The following RAP1A variants were observed in gnomAD, a reference collection of about 807,000 sequenced individuals.
RAP1A encodes the protein ras-related protein Rap-1A.
In RAP1A, 6 loss-of-function variants were observed where a neutral mutation model predicts 26.4. The observed-to-expected ratio is 0.23, with a 90% confidence interval of 0.12 to 0.45. The LOEUF (loss-of-function observed/expected upper bound fraction) is 0.45, where lower values mean the gene tolerates loss of function less well. Among genes scored for constraint, RAP1A ranks in the 20% least tolerant of loss-of-function variants. The pLI is 0.99. For missense variants in RAP1A, 121 were observed against 217.2 expected, an observed-to-expected ratio of 0.56 and a Z score of 2.78; for synonymous variants, 73 against 79.4, an observed-to-expected ratio of 0.92 and a Z score of 0.43.
intron 1 of RAP1A, among the ~76,000 whole-genome samples, chr1:111,554,596 C>A (rs879563878): frequency 6.6e-6 from 1 of 152,144 alleles, no homozygotes; most frequent in African/African-American, 2.4e-5. Flanking sequence ...GGATCATATG[C>A]TCAGTGAATA....
In RAP1A at chr1:111,713,856, C is replaced by G. The variant is rs893917274; in HGVS notation, c.*1455C>G. On this transcript the variant is annotated 3_prime_UTR_variant, in exon 8 of 8. Coordinates refer to ENST00000369709, the MANE Select transcript of RAP1A (RefSeq NM_002884.4). ...AAAAAGCTTGTTAGCCAATTAAGTTCTGGAAAAGGAAAGAAACAAGCTTAG... is the reference window on the plus strand; with the variant it reads ...AAAAAGCTTGTTAGCCAATTAAGTTGTGGAAAAGGAAAGAAACAAGCTTAG... 1 of 152,096 alleles carries G rather than the reference C, an allele frequency of 6.6e-6. No individual in the cohort carries two copies. The highest frequency in any genetic ancestry group is 1.5e-5 in the Non-Finnish European group (1 of 68,026). 9.4% of individuals were successfully genotyped at this position (152,096 alleles called of 1,614,324 possible). A position where few individuals can be genotyped will look rare whatever the true frequency, so the allele number is the denominator to read the frequency against.
At chr1:111,657,533 A>G (rs930210405) in intron 1 of RAP1A, among the ~76,000 whole-genome samples, 1 of 152,150 alleles carries the variant, frequency 6.6e-6, no homozygotes, top group African/African-American at 2.4e-5. Context: ...ATCATTGCCA[A>G]ATCCATTGTC....
intron 1 of RAP1A, among the ~76,000 whole-genome samples, chr1:111,550,434 A>G (rs967552229): frequency 2.0e-5 from 3 of 150,734 alleles, no homozygotes; most frequent in African/African-American, 7.3e-5. Context: ...TTGATTTGAG[A>G]TCTTTCTTCT....
chr1:111,693,210 G>T (rs1360879680), intron 2 of RAP1A, among the ~76,000 whole-genome samples: 7 of 152,162 alleles, frequency 4.6e-5, no homozygotes, highest in Non-Finnish European at 1.0e-4. Flanking sequence ...GATAAAGGAA[G>T]CAGCTTTAGT....
At chr1:111,647,448 C>T (rs1660106132) in intron 1 of RAP1A, among the ~76,000 whole-genome samples, 1 of 152,088 alleles carries the variant, frequency 6.6e-6, no homozygotes, top group Admixed American at 6.5e-5. Context: ...ATCCTGAATC[C>T]ATCTCCCACG....
At chr1:111,698,321 C>T (rs1417397847) in intron 4 of RAP1A, among the ~76,000 whole-genome samples, 3 of 152,136 alleles carry the variant, frequency 2.0e-5, no homozygotes, top group African/African-American at 7.2e-5. Context: ...GTCACCTAGG[C>T]TAGGGTGTAG....
At chr1:111,570,735 G>C (rs1234887174) in intron 1 of RAP1A, among the ~76,000 whole-genome samples, 1 of 152,152 alleles carries the variant, frequency 6.6e-6, no homozygotes, top group East Asian at 1.9e-4. Flanking sequence ...TATGAAGAGA[G>C]AATAGCCTGA....
chr1:111,557,274 C>T (rs1200000415), intron 1 of RAP1A, among the ~76,000 whole-genome samples: 1 of 152,086 alleles, frequency 6.6e-6, no homozygotes, highest in African/African-American at 2.4e-5. Context: ...GAAGGCCAGG[C>T]GTGGTGGCTC....
intron 1 of RAP1A, among the ~76,000 whole-genome samples, chr1:111,634,672 G>A (rs1193931073): frequency 6.6e-6 from 1 of 151,638 alleles, no homozygotes; most frequent in Non-Finnish European, 1.5e-5. Context: ...TCGAGATGGA[G>A]TCTCACTCTG....
intron 1 of RAP1A, among the ~76,000 whole-genome samples, chr1:111,689,050 G>A (rs752434491): frequency 1.3e-4 from 19 of 151,876 alleles, no homozygotes; most frequent in Non-Finnish European, 2.4e-4. Context: ...TATCCAGGCT[G>A]GTCTCTAATT....
intron 1 of RAP1A, chr1:111,648,318 C>T: frequency 1.1e-6 from 1 of 932,464 alleles, no homozygotes; most frequent in Non-Finnish European, 1.6e-6. Flanking sequence ...TCATTGGTCT[C>T]AGATACCACT....
chr1:111,671,638 C>T (rs1425310760), intron 1 of RAP1A, among the ~76,000 whole-genome samples: 1 of 152,124 alleles, frequency 6.6e-6, no homozygotes, highest in Non-Finnish European at 1.5e-5. Context: ...CCACACGTGG[C>T]TAATTTCTGT....
intron 1 of RAP1A, among the ~76,000 whole-genome samples, chr1:111,549,635 G>A (rs936053346): frequency 2.0e-5 from 3 of 147,244 alleles, no homozygotes; most frequent in Non-Finnish European, 3.0e-5. Flanking sequence ...GGGCAACAGA[G>A]TGAGACTCTG....
At chr1:111,557,284 C>T (rs767276291) in intron 1 of RAP1A, among the ~76,000 whole-genome samples, 18 of 152,120 alleles carry the variant, frequency 1.2e-4, no homozygotes, top group Non-Finnish European at 2.5e-4. Context: ...CGTGGTGGCT[C>T]ACGCCTGTAA....
intron 1 of RAP1A, among the ~76,000 whole-genome samples, chr1:111,549,444 T>C (rs533956948): frequency 2.1e-4 from 32 of 149,188 alleles, no homozygotes; most frequent in African/African-American, 7.1e-4. Flanking sequence ...AGGTCAGGAG[T>C]TCAAGACCAG....
chr1:111,618,607 T>A (rs1287483621), upstream of RAP1A, among the ~76,000 whole-genome samples: 3 of 152,174 alleles, frequency 2.0e-5, no homozygotes. Flanking sequence ...TTATTCAATA[T>A]CTCCATTTGG....
At chr1:111,613,285 C>T (rs1243506658) in intron 1 of RAP1A, among the ~76,000 whole-genome samples, 7 of 151,968 alleles carry the variant, frequency 4.6e-5, no homozygotes, top group African/African-American at 7.2e-5. Context: ...CTGCAAGCTC[C>T]GCCTCCCAGG....
At chr1:111,696,583 T>C (rs565471041) in intron 3 of RAP1A, among the ~76,000 whole-genome samples, 1 of 152,304 alleles carries the variant, frequency 6.6e-6, no homozygotes, top group African/African-American at 2.4e-5. Context: ...TTTAAAATAG[T>C]CTTTAGGTTA....
chr1:111,589,956 G>A (rs1003250463), intron 1 of RAP1A, among the ~76,000 whole-genome samples: 2 of 152,208 alleles, frequency 1.3e-5, no homozygotes, highest in African/African-American at 4.8e-5. Flanking sequence ...TTTTTGTAGA[G>A]ATGAGGTTTT....
Sources: gnomAD v4.1 joint callset for allele counts (sites outside exome capture counted in the v4.1 genomes callset) on GRCh38, gnomAD v4.1.1 for gene constraint, MANE v1.5 for transcripts, NCBI Gene and HGNC (gene_info 2026-07-23, HGNC 2026-07-21) for gene names.